KIF26B: variants seen among roughly 807,000 people sequenced by gnomAD.
The protein encoded by KIF26B is kinesin family member 26B, also known as kinesin-like protein KIF26B.
Under a neutral mutation model 151.2 loss-of-function variants are expected in KIF26B, and 63 were observed. That is an observed-to-expected ratio of 0.42 (90% CI 0.34 to 0.51). The LOEUF (loss-of-function observed/expected upper bound fraction) is 0.51, where lower values mean the gene tolerates loss of function less well. Among genes scored for constraint, KIF26B ranks in the 20% least tolerant of loss-of-function variants. The pLI is 0.07. For synonymous variants in KIF26B, 1,357 were observed against 1,262.1 expected, an observed-to-expected ratio of 1.08 and a Z score of -1.59; for missense variants, 2,813 against 2,913.6, an observed-to-expected ratio of 0.97 and a Z score of 0.79.
chr1:245,663,986 T>C (rs961306376), intron 10 of KIF26B, among the ~76,000 whole-genome samples: 25 of 152,360 alleles, frequency 1.6e-4, no homozygotes, highest in South Asian at 4.1e-4. Context: ...TGCTTATTTA[T>C]CTTGAGTTCC....
chr1:245,408,595 T>C (rs1215467324), intron 3 of KIF26B, among the ~76,000 whole-genome samples: 2 of 152,122 alleles, frequency 1.3e-5, no homozygotes, highest in East Asian at 3.9e-4. Context: ...CCTCAGGTGA[T>C]CCACCCGCCT....
At chr1:245,261,750 G>A (rs1228571556) in intron 2 of KIF26B, among the ~76,000 whole-genome samples, 2 of 151,424 alleles carry the variant, frequency 1.3e-5, no homozygotes, top group African/African-American at 4.9e-5. Flanking sequence ...TGCCTGGCTA[G>A]TTTTTGTATT....
chr1:245,265,882 A>G (rs1211605542), intron 2 of KIF26B, among the ~76,000 whole-genome samples: 1 of 152,196 alleles, frequency 6.6e-6, no homozygotes, highest in Non-Finnish European at 1.5e-5. Context: ...TGCTAGGATT[A>G]CAGGCATGAG....
At chr1:245,631,612 C>T (rs550313138) in intron 9 of KIF26B, among the ~76,000 whole-genome samples, 2 of 152,162 alleles carry the variant, frequency 1.3e-5, no homozygotes, top group East Asian at 1.9e-4. Context: ...GGCCTGGTTG[C>T]GTGAATTAGG....
chr1:245,686,963 TG>T lies in KIF26B; in HGVS notation c.3982del (p.Val1328CysfsTer38), dbSNP rs778507313. The stretch of plus-strand genomic sequence containing the variant: ...GTCAGCAGCCTCCAGAACACCGCTG[TG>T]GTGTGCAGAGAGAAGCCCAAGGCCA... ...EFVSSLQNTAVVCREKPKASP... is the reference protein window; with the variant it reads ...EFVSSLQNTAXVCREKPKASP... On this transcript the variant is annotated frameshift_variant, in exon 12 of 15. Transcript: ENST00000407071. LOFTEE classifies it high-confidence loss of function. This position sits in a 1 kb window ranked among gnomAD's most constrained non-coding sequence, Gnocchi z 5.6. 1 of 1,613,526 alleles carries T rather than the reference TG, an allele frequency of 6.2e-7. No individual in the cohort carries two copies. Among genetic ancestry groups the T allele is most frequent in the Non-Finnish European group, 8.5e-7 (1 of 1,179,818 alleles).
chr1:245,283,690 A>ATTTTTT lies in KIF26B; in HGVS notation c.466-83134_466-83129dup, dbSNP rs35386952. Among the ~76,000 whole-genome samples the ATTTTTT allele has an allele frequency of 9.2e-5, 13 of 141,680 alleles. 1 individual carries two copies. Among genetic ancestry groups the ATTTTTT allele is most frequent in the Admixed American group, 2.1e-4 (3 of 14,064 alleles). 92.9% of individuals were successfully genotyped at this position (141,680 alleles called of 152,430 possible). A position where few individuals can be genotyped will look rare whatever the true frequency, so the allele number is the denominator to read the frequency against. ...CATTTACCCTCCACCAAGCTTGAGA[A>ATTTTTT]TTTTTTTTTTTTTTTGAGGCGGACT... On this transcript the variant is annotated intron_variant, in intron 2 of 14. Transcript: ENST00000407071.
At chr1:245,262,202 C>G (rs1272360986) in intron 2 of KIF26B, among the ~76,000 whole-genome samples, 2 of 152,128 alleles carry the variant, frequency 1.3e-5, no homozygotes, top group Non-Finnish European at 1.5e-5. Context: ...ACATAGGAGA[C>G]AGCCACTATG....
intron 2 of KIF26B, among the ~76,000 whole-genome samples, chr1:245,364,910 A>G (rs1672908080): frequency 6.6e-6 from 1 of 152,208 alleles, no homozygotes; most frequent in Non-Finnish European, 1.5e-5. Flanking sequence ...CTGGGGCCCA[A>G]ATAAATCCCG....
chr1:245,591,548 T>C (rs1252756144), intron 5 of KIF26B, among the ~76,000 whole-genome samples: 1 of 152,204 alleles, frequency 6.6e-6, no homozygotes, highest in South Asian at 2.1e-4. Context: ...CTCCAGAGCC[T>C]GTGCCCCCAA....
chr1:245,617,577 C>G (rs1470135832), intron 9 of KIF26B, among the ~76,000 whole-genome samples: 6 of 152,130 alleles, frequency 3.9e-5, no homozygotes, highest in Non-Finnish European at 5.9e-5. Flanking sequence ...CCCCTGCTGT[C>G]CCCAGCAGCG....
At chr1:245,640,122 G>GCTCTCTCTCTCTCTCTCTCT (rs376565844) in intron 9 of KIF26B, among the ~76,000 whole-genome samples, 722 of 53,618 alleles carry the variant, frequency 0.013, 76 homozygotes, top group African/African-American at 0.015. Flanking sequence ...ACTAATATTT[G>GCTCTCTCTCTCTCTCTCTCT]CTCTCTCTCT....
In KIF26B at chr1:245,687,424, G is replaced by T. The variant is rs373057841; in HGVS notation, c.4441G>T (p.Asp1481Tyr). The T allele has an allele frequency of 6.3e-7, 1 of 1,588,420 alleles. No homozygotes were observed. Among genetic ancestry groups the T allele is most frequent in the Non-Finnish European group, 8.6e-7 (1 of 1,167,854 alleles). The change falls in exon 12 of 15, where the codon GAC becomes TAC. Residue 1481 changes from aspartate (D) to tyrosine (Y), a missense_variant. Physicochemically the swap from Asp to Tyr is radical, Grantham distance 160. Coordinates refer to ENST00000407071, the MANE Select transcript of KIF26B (RefSeq NM_018012.4). The surrounding 1 kb of genome is among the most constrained non-coding windows in gnomAD (Gnocchi z 4.9). ...NAETRAEQEQ[D>Y]GKPSPGDRLS... ...TGAGACCAGAGCAGAGCAGGAGCAG[G>T]ACGGAAAGCCCAGTCCGGGAGACAG...
Position 245,367,205 on chromosome 1 carries a change from GAA to G in KIF26B, c.838_839del (p.Lys280GlufsTer62). The part of the protein sequence containing the change: ...SLGVSNGAEK[K>X]SGSPTHQAKV... ...TTGGGGTCAGCAATGGGGCGGAAAA[GAA>G]GAGCGGGTCCCCAACCCACCAGGCC... On this transcript the variant is annotated frameshift_variant, in exon 3 of 15. Coordinates refer to ENST00000407071, the MANE Select transcript of KIF26B (RefSeq NM_018012.4). LOFTEE classifies it high-confidence loss of function. The surrounding 1 kb of genome is among the most constrained non-coding windows in gnomAD (Gnocchi z 4.2). 6.2e-7 allele frequency: 1 copy of G among 1,609,538 alleles called. No homozygotes were observed. The highest frequency in any genetic ancestry group is 8.5e-7 in the Non-Finnish European group (1 of 1,178,024).
rs777356308 is a variant in KIF26B at position 245,686,067 on chromosome 1, C to T, written c.3084C>T (p.Ser1028=). The change falls in exon 12 of 15, where the codon AGC becomes AGT. Residue 1028 remains serine (S), a synonymous_variant. Transcript: ENST00000407071. This position sits in a 1 kb window ranked among gnomAD's most constrained non-coding sequence, Gnocchi z 5.6. ...CCTCACCCAGGAGCGTCCCGGGCAG[C>T]AGTAGCCAGCACAGCGCCTCCCCAC... ...SPASPRSVPG[S]SSQHSASPLV... is the part of the protein sequence containing the mutation. 1 of 1,598,124 alleles carries T rather than the reference C, an allele frequency of 6.3e-7. No individual in the cohort carries two copies. The highest frequency in any genetic ancestry group is 1.7e-5 in the Admixed American group (1 of 57,456).
At chr1:245,159,692 TGGTA>T (rs1183334976) in intron 2 of KIF26B, among the ~76,000 whole-genome samples, 2 of 152,194 alleles carry the variant, frequency 1.3e-5, no homozygotes, top group African/African-American at 4.8e-5. Flanking sequence ...CTGTGCCTGT[TGGTA>T]GGTAGCAAGC....
intron 3 of KIF26B, among the ~76,000 whole-genome samples, chr1:245,399,547 T>C (rs1387971759): frequency 2.0e-5 from 3 of 152,226 alleles, no homozygotes; most frequent in Admixed American, 6.5e-5. Context: ...AAGGATCATT[T>C]TGAGAATCTT....
chr1:245,208,716 G>C (rs1352236350), intron 2 of KIF26B, among the ~76,000 whole-genome samples: 1 of 152,144 alleles, frequency 6.6e-6, no homozygotes, highest in Non-Finnish European at 1.5e-5. Context: ...CCAGGCTTTG[G>C]GGGCAGTAGA....
intron 9 of KIF26B, among the ~76,000 whole-genome samples, chr1:245,624,234 G>T (rs2043697675): frequency 1.3e-5 from 2 of 151,220 alleles, no homozygotes; most frequent in Admixed American, 6.6e-5. Flanking sequence ...TTCCTTTGGG[G>T]TAAAAACCTA....
chr1:245,663,123 G>A (rs886092248), intron 10 of KIF26B, among the ~76,000 whole-genome samples: 4 of 152,014 alleles, frequency 2.6e-5, no homozygotes, highest in Non-Finnish European at 5.9e-5. Flanking sequence ...AGAAGGATGT[G>A]GCTGCCTGGC....
Sources: allele counts gnomAD v4.1 joint callset (sites outside exome capture counted in the v4.1 genomes callset), GRCh38; gene constraint gnomAD v4.1.1; non-coding constraint Gnocchi (gnomAD v3.1); transcripts MANE v1.5; gene names NCBI Gene and HGNC (gene_info 2026-07-23, HGNC 2026-07-21).